The following BMPER variants were observed in gnomAD, a reference collection of about 807,000 sequenced individuals.
BMPER encodes the protein BMP binding endothelial regulator, also known as BMP-binding endothelial regulator protein.
Under a neutral mutation model 87.3 loss-of-function variants are expected in BMPER, and 45 were observed. The observed-to-expected ratio is 0.52, with a 90% confidence interval of 0.41 to 0.66. The LOEUF (loss-of-function observed/expected upper bound fraction) is 0.66, where lower values mean the gene tolerates loss of function less well. BMPER is among the 30% of genes least tolerant of loss of function. The pLI, the probability that BMPER is intolerant of heterozygous loss-of-function variation, is 0.00. For synonymous variants in BMPER, 326 were observed against 316.2 expected (o/e 1.03, Z -0.33); for missense variants, 784 against 867.5 (o/e 0.90, Z 1.21).
At chr7:34,024,805 C>T (rs746403379) in intron 6 of BMPER, among the ~76,000 whole-genome samples, 27 of 151,904 alleles carry the variant, frequency 1.8e-4, no homozygotes, top group Non-Finnish European at 3.1e-4. Context: ...ATCAAAATCC[C>T]AGGCTCTGCC....
chr7:33,979,973 A>T (rs140567152), intron 6 of BMPER, among the ~76,000 whole-genome samples: 1 of 152,238 alleles, frequency 6.6e-6, no homozygotes, highest in African/African-American at 2.4e-5. Context: ...ATGATTGTAC[A>T]TCCTGGTTTC....
At chr7:34,043,748 G>A (rs1046546239) in intron 6 of BMPER, among the ~76,000 whole-genome samples, 5 of 152,154 alleles carry the variant, frequency 3.3e-5, no homozygotes, top group African/African-American at 1.2e-4. Context: ...TGGAATGATG[G>A]ATAGATGCTG....
chr7:33,972,699 A>C (rs1260492666), intron 5 of BMPER, among the ~76,000 whole-genome samples: 1 of 152,216 alleles, frequency 6.6e-6, no homozygotes, highest in East Asian at 1.9e-4. Flanking sequence ...TGAGAAGCTT[A>C]GGTCCAGGTG....
At chr7:34,134,293 C>T (rs1453107951) in intron 13 of BMPER, among the ~76,000 whole-genome samples, 1 of 152,082 alleles carries the variant, frequency 6.6e-6, no homozygotes, top group Non-Finnish European at 1.5e-5. Flanking sequence ...TATCAGCCAG[C>T]CTCCAAAAAG....
chr7:34,066,754 A>T (rs530540193), intron 11 of BMPER, among the ~76,000 whole-genome samples: 2 of 152,324 alleles, frequency 1.3e-5, no homozygotes, highest in East Asian at 3.9e-4. Flanking sequence ...GTTTTCTAAC[A>T]TGGAAATAAT....
chr7:33,997,292 CCTT>C (rs1376286357), intron 6 of BMPER, among the ~76,000 whole-genome samples: 1 of 152,186 alleles, frequency 6.6e-6, no homozygotes, highest in African/African-American at 2.4e-5. Flanking sequence ...CCAAGACTCT[CCTT>C]CTGATATGGT....
chr7:34,008,121 G>A (rs1490777747), intron 6 of BMPER, among the ~76,000 whole-genome samples: 1 of 151,868 alleles, frequency 6.6e-6, no homozygotes, highest in Non-Finnish European at 1.5e-5. Context: ...AGTCTCCTCT[G>A]GATTTTAAAA....
chr7:34,098,373 A>G (rs1270465475), intron 13 of BMPER, among the ~76,000 whole-genome samples: 2 of 152,192 alleles, frequency 1.3e-5, no homozygotes, highest in African/African-American at 4.8e-5. Context: ...AACAGCCAAC[A>G]GGATGTATCT....
At chr7:34,009,342 C>T (rs372334838) in intron 6 of BMPER, among the ~76,000 whole-genome samples, 4 of 151,876 alleles carry the variant, frequency 2.6e-5, no homozygotes, top group African/African-American at 9.6e-5. Context: ...TATTAGGGGC[C>T]ACAAGATTAA....
intron 2 of BMPER, among the ~76,000 whole-genome samples, chr7:33,930,254 C>T (rs1486271247): frequency 6.6e-6 from 1 of 152,010 alleles, no homozygotes; most frequent in Non-Finnish European, 1.5e-5. Context: ...GAGCCTTGGA[C>T]TTGTACACTT....
At chr7:33,929,885 C>A (rs1366837154) in intron 2 of BMPER, among the ~76,000 whole-genome samples, 11 of 152,196 alleles carry the variant, frequency 7.2e-5, no homozygotes, top group Admixed American at 7.2e-4. Context: ...AGTTCAGCAA[C>A]CTGCCTGGAA....
intron 4 of BMPER, among the ~76,000 whole-genome samples, chr7:33,969,507 C>G (rs1377554214): frequency 6.6e-6 from 1 of 152,216 alleles, no homozygotes; most frequent in African/African-American, 2.4e-5. Context: ...TCACACCATT[C>G]TCCTGCCTCA....
At chr7:34,021,261 T>C (rs536239623) in intron 6 of BMPER, among the ~76,000 whole-genome samples, 1 of 151,966 alleles carries the variant, frequency 6.6e-6, no homozygotes, top group East Asian at 1.9e-4. Context: ...AATGAAAATT[T>C]CCTTTATCTA....
At chr7:34,045,443 A>T (rs1787936828) in intron 6 of BMPER, among the ~76,000 whole-genome samples, 1 of 152,096 alleles carries the variant, frequency 6.6e-6, no homozygotes, top group Non-Finnish European at 1.5e-5. Context: ...GGCAGGGAAG[A>T]GGGGATGCTG....
chr7:33,957,381 T>A (rs1337444121), intron 3 of BMPER, among the ~76,000 whole-genome samples: 1 of 150,732 alleles, frequency 6.6e-6, no homozygotes, highest in Non-Finnish European at 1.5e-5. Flanking sequence ...ATGATCCCTT[T>A]AATATTCTGG....
At chr7:34,025,347 A>G (rs908505363) in intron 6 of BMPER, among the ~76,000 whole-genome samples, 90 of 148,260 alleles carry the variant, frequency 6.1e-4, no homozygotes, top group African/African-American at 2.3e-3. Flanking sequence ...TTGAAGTTCA[A>G]TCAAGCACAG....
chr7:34,118,997 G>GTCTC lies in BMPER; in HGVS notation c.1746-24218_1746-24215dup, dbSNP rs71554125. ...AATCTCTCTCTCTCTCTCTCTCACT[G>GTCTC]TCTCTCTCTCTCTCTCTCACACACA... On this transcript the variant is annotated intron_variant, in intron 13 of 14. Transcript: ENST00000649409. Among the ~76,000 whole-genome samples, 221 of 98,002 alleles carry GTCTC rather than the reference G, an allele frequency of 2.3e-3. 1 individual carries two copies. The highest frequency in any genetic ancestry group is 8.5e-3 in the African/African-American group (212 of 25,080). The allele number at this position is 98,002 out of a possible 152,430, so 64.3% of individuals were successfully genotyped here.
At chr7:33,927,205 A>G (rs1784380310) in intron 2 of BMPER, among the ~76,000 whole-genome samples, 1 of 152,226 alleles carries the variant, frequency 6.6e-6, no homozygotes, top group Admixed American at 6.5e-5. Flanking sequence ...GTAACTCCCA[A>G]CAGCACGTGG....
At chr7:34,035,692 A>G (rs532904236) in intron 6 of BMPER, among the ~76,000 whole-genome samples, 29 of 152,294 alleles carry the variant, frequency 1.9e-4, no homozygotes, top group African/African-American at 6.5e-4. Context: ...TGAAAACCAA[A>G]CACTTCTGAT....
Sources: gnomAD v4.1 joint callset for allele counts (sites outside exome capture counted in the v4.1 genomes callset) on GRCh38, gnomAD v4.1.1 for gene constraint, MANE v1.5 for transcripts, NCBI Gene and HGNC (gene_info 2026-07-23, HGNC 2026-07-21) for gene names.